Variants in JMJD1C observed in about 807,000 individuals in gnomAD.
JMJD1C encodes the protein jumonji domain-containing protein 1C.
Under a neutral mutation model 245.3 loss-of-function variants are expected in JMJD1C, and 31 were observed. That is an observed-to-expected ratio of 0.13 (90% CI 0.09 to 0.17). The LOEUF (loss-of-function observed/expected upper bound fraction) is 0.17. JMJD1C is among the 10% of genes least tolerant of loss of function. JMJD1C has a pLI of 1.00. For missense variants in JMJD1C, 2,691 were observed against 3,000.2 expected, an observed-to-expected ratio of 0.90 and a Z score of 2.41; for synonymous variants, 1,057 against 1,017.4, an observed-to-expected ratio of 1.04 and a Z score of -0.74.
chr10:63,507,644 CAAAAA>C lies in JMJD1C; in HGVS notation n.113+14089_113+14093del, dbSNP rs34738955. On this transcript the variant is annotated intron_variant and non_coding_transcript_variant, in intron 1 of 3. Coordinates refer to the JMJD1C transcript ENST00000633035. ...TGGGCAACAGAGTAAGACTCTGTCT[CAAAAA>C]AAAAAAAAAAAAAACAGTGGCTGTG... Among the ~76,000 whole-genome samples, 7 of 58,768 alleles carry C rather than the reference CAAAAA, an allele frequency of 1.2e-4. 1 individual carries two copies. Among genetic ancestry groups the C allele is most frequent in the African/African-American group, 3.9e-4 (4 of 10,334 alleles). 38.6% of individuals were successfully genotyped at this position (58,768 alleles called of 152,430 possible).
chr10:63,520,790 C>G (rs1289171456), intron 1 of JMJD1C, among the ~76,000 whole-genome samples: 1 of 152,158 alleles, frequency 6.6e-6, no homozygotes, highest in Non-Finnish European at 1.5e-5. Context: ...ATCACTGCAC[C>G]CACTACTGCA....
At chr10:63,480,155 A>C (rs915211267) in intron 1 of JMJD1C, among the ~76,000 whole-genome samples, 1 of 152,118 alleles carries the variant, frequency 6.6e-6, no homozygotes, top group South Asian at 2.1e-4. Context: ...TGAGACAACA[A>C]TGTTCTGTGG....
At chr10:63,394,982 G>C (rs1948376029) in intron 1 of JMJD1C, among the ~76,000 whole-genome samples, 1 of 151,990 alleles carries the variant, frequency 6.6e-6, no homozygotes, top group South Asian at 2.1e-4. Context: ...CAAAAGACTT[G>C]TATCAAGAAT....
At chr10:63,423,376 T>C (rs776126117) in intron 1 of JMJD1C, among the ~76,000 whole-genome samples, 16 of 152,224 alleles carry the variant, frequency 1.1e-4, no homozygotes, top group Non-Finnish European at 1.8e-4. Context: ...TCTATGAATT[T>C]GCCTATTCTA....
chr10:63,188,916 T>G (rs1844443698), intron 18 of JMJD1C, among the ~76,000 whole-genome samples: 1 of 152,222 alleles, frequency 6.6e-6, no homozygotes, highest in Non-Finnish European at 1.5e-5. Context: ...ATTACATGTC[T>G]GTTCTGATAG....
chr10:63,324,094 A>G (rs536740292), intron 2 of JMJD1C, among the ~76,000 whole-genome samples: 3 of 151,670 alleles, frequency 2.0e-5, no homozygotes, highest in South Asian at 2.1e-4. Context: ...TATCTGCCCA[A>G]ATGGATAAGG....
At chr10:63,189,468 A>AG in intron 17 of JMJD1C, 22 bp from the exon 18 acceptor site, 1 of 1,563,066 alleles carries the variant, frequency 6.4e-7, no homozygotes. Context: ...AAAACAAAAC[A>AG]AAAAAAACCT....
intron 1 of JMJD1C, chr10:63,521,270 C>G (rs1384020847): frequency 6.7e-6 from 1 of 149,708 alleles, no homozygotes; most frequent in African/African-American, 2.4e-5. Flanking sequence ...CGGGCCAACG[C>G]GCCGCCGCCA....
chr10:63,198,446 A>C (rs1845685382), intron 12 of JMJD1C, 67 bp downstream of exon 12: 33 of 1,006,340 alleles, frequency 3.3e-5, no homozygotes, highest in Non-Finnish European at 3.0e-6. Context: ...TTCTTTCACA[A>C]ACATAATTCA....
In JMJD1C at chr10:63,215,147, A is replaced by G. The variant is rs969730431; in HGVS notation, c.1020T>C (p.Asn340=). 34 of 1,540,568 alleles carry G rather than the reference A, an allele frequency of 2.2e-5. No individual in the cohort carries two copies. Among genetic ancestry groups the G allele is most frequent in the South Asian group, 7.4e-5 (6 of 81,238 alleles). Residue 340 remains asparagine, a synonymous_variant, in exon 8 of 26, where the codon AAT becomes AAC. Coordinates refer to ENST00000399262, the MANE Select transcript of JMJD1C (RefSeq NM_032776.3). ...EKYDYISRGE[N]PKGKNKHLMN... Reference sequence around the variant, plus strand: ...TCAAGTGTTTGTTTTTACCTTTAGGATTTTCTGTAGGATTAAAGAAAGAAG... The same window carrying G: ...TCAAGTGTTTGTTTTTACCTTTAGGGTTTTCTGTAGGATTAAAGAAAGAAG...
At chr10:63,469,637 G>C (rs1210352410), upstream of JMJD1C, among the ~76,000 whole-genome samples, 4 of 151,976 alleles carry the variant, frequency 2.6e-5, no homozygotes, top group Admixed American at 2.0e-4. Flanking sequence ...GAAATGCTTT[G>C]GTTTATTTAA....
chr10:63,487,981 A>C (rs903861243), intron 1 of JMJD1C, among the ~76,000 whole-genome samples: 6 of 152,336 alleles, frequency 3.9e-5, no homozygotes, highest in African/African-American at 1.4e-4. Context: ...ACTGCGACAC[A>C]GAGAGGTGAA....
chr10:63,434,843 T>C (rs1183810126), intron 1 of JMJD1C, among the ~76,000 whole-genome samples: 1 of 152,260 alleles, frequency 6.6e-6, no homozygotes, highest in Non-Finnish European at 1.5e-5. Context: ...TTTGGAATAG[T>C]TCCTGTTCCC....
intron 1 of JMJD1C, among the ~76,000 whole-genome samples, chr10:63,484,870 C>T (rs2133198511): frequency 6.6e-6 from 1 of 151,822 alleles, no homozygotes; most frequent in South Asian, 2.1e-4. Context: ...AAACACTCAC[C>T]TTTCCTCAGT....
chr10:63,189,017 C>T (rs1844454721), intron 18 of JMJD1C, 151 bp downstream of exon 18: 1 of 584,822 alleles, frequency 1.7e-6, no homozygotes. Context: ...AGCATTCTGA[C>T]AATCTTTTCG....
chr10:63,465,738 C>T lies in JMJD1C; in HGVS notation c.-76G>A, dbSNP rs755592620. On this transcript the variant is annotated 5_prime_UTR_variant, in exon 1 of 26. The change abolishes an upstream ATG in the 5' untranslated region. Transcript: ENST00000399262. ...TGAAACCTCACTCCTACCGGCCGCT[C>T]ATGCTGAGGAGAGCGGACCGGGACA... The T allele has an allele frequency of 7.8e-6, 12 of 1,542,366 alleles. No homozygotes were observed. The highest frequency in any genetic ancestry group is 1.7e-5 in the Admixed American group (1 of 57,556).
chr10:63,521,583 T>A, intron 1 of JMJD1C: 1 of 1,415,654 alleles, frequency 7.1e-7, no homozygotes, highest in Non-Finnish European at 9.3e-7. Flanking sequence ...GTGGTGTAAG[T>A]GCCTCTCACT....
At chr10:63,509,945 T>C (rs1443284382) in intron 1 of JMJD1C, among the ~76,000 whole-genome samples, 1 of 152,096 alleles carries the variant, frequency 6.6e-6, no homozygotes, top group Non-Finnish European at 1.5e-5. Flanking sequence ...TCTACTTACT[T>C]TGGATTTGAT....
At chr10:63,234,493 T>TAAAAAAAAAAAAAA (rs71025129) in intron 3 of JMJD1C, among the ~76,000 whole-genome samples, 29 of 37,028 alleles carry the variant, frequency 7.8e-4, no homozygotes, top group African/African-American at 2.4e-3. Flanking sequence ...AACCTCCTCT[T>TAAAAAAAAAAAAAA]AAAAAAAAAA....
Sources: gnomAD v4.1 joint callset for allele counts (sites outside exome capture counted in the v4.1 genomes callset) on GRCh38, gnomAD v4.1.1 for gene constraint, MANE v1.5 for transcripts, NCBI Gene and HGNC (gene_info 2026-07-23, HGNC 2026-07-21) for gene names.